Variants in KLF8 observed in about 807,000 individuals in gnomAD.
The protein encoded by KLF8 is KLF transcription factor 8.
In KLF8, 10 loss-of-function variants were observed where a neutral mutation model predicts 18.2. The ratio of observed to expected loss-of-function variants is 0.55; its 90% CI spans 0.34 to 0.93. KLF8 has a LOEUF of 0.93. Among genes scored for constraint, KLF8 ranks in the 40% least tolerant of loss-of-function variants. The pLI is 0.02. For missense variants in KLF8, 264 were observed against 277.9 expected (o/e 0.95, Z 0.36); for synonymous variants, 109 against 97.3 (o/e 1.12, Z -0.71).
the KLF8 span, chrX:55,908,438 G>T: frequency 3.4e-6 from 1 of 296,722 alleles, no homozygotes; most frequent in Non-Finnish European, 5.9e-6. Context: ...CGCTGGGTGG[G>T]GTCGAGACTG....
At chrX:56,150,061 G>A in the KLF8 span, among the ~76,000 whole-genome samples, 2 of 111,944 alleles carry the variant, frequency 1.8e-5, no homozygotes. Context: ...TTGGAGTAAA[G>A]ACTCAGTCTT....
chrX:56,251,710 C>G (rs1376102146), intron 2 of KLF8, among the ~76,000 whole-genome samples: 2 of 110,778 alleles, frequency 1.8e-5, no homozygotes, highest in Non-Finnish European at 1.9e-5. Context: ...ATCCGCCCAC[C>G]TCGGCCTCCC....
intron 1 of KLF8, among the ~76,000 whole-genome samples, chrX:56,243,964 G>A (rs2066588309): frequency 9.0e-6 from 1 of 111,652 alleles, no homozygotes; most frequent in South Asian, 3.8e-4. Context: ...GGAGGCTTTT[G>A]CAATCTCCCT....
the KLF8 span, among the ~76,000 whole-genome samples, chrX:56,156,985 A>C: frequency 9.1e-6 from 1 of 109,549 alleles, no homozygotes; most frequent in Non-Finnish European, 1.9e-5. Context: ...GAATCAACCC[A>C]AATGTCCAAC....
chrX:56,099,792 A>C, the KLF8 span, among the ~76,000 whole-genome samples: 6 of 111,886 alleles, frequency 5.4e-5, no homozygotes, highest in Admixed American at 5.7e-4. Flanking sequence ...GAGAGTGTTG[A>C]AGAGGCTGCA....
the KLF8 span, among the ~76,000 whole-genome samples, chrX:56,138,569 C>T: frequency 1.8e-5 from 2 of 111,259 alleles, no homozygotes; most frequent in Non-Finnish European, 3.8e-5. Context: ...ACAAAAACCA[C>T]ATGATCATCT....
At chrX:56,183,880 C>G in the KLF8 span, among the ~76,000 whole-genome samples, 1 of 111,078 alleles carries the variant, frequency 9.0e-6, no homozygotes, top group Non-Finnish European at 1.9e-5. Flanking sequence ...AATCAGGACC[C>G]GGAGGTGGCA....
chrX:56,087,094 G>T, the KLF8 span, among the ~76,000 whole-genome samples: 1 of 111,351 alleles, frequency 9.0e-6, no homozygotes, highest in South Asian at 3.8e-4. Context: ...GCCTCTATTA[G>T]GGTTAGAGGG....
chrX:56,074,358 T>TA, the KLF8 span, among the ~76,000 whole-genome samples: 2 of 111,292 alleles, frequency 1.8e-5, no homozygotes, highest in African/African-American at 6.5e-5. Flanking sequence ...TATCGAAAAA[T>TA]ACATTGCCAA....
the KLF8 span, among the ~76,000 whole-genome samples, chrX:56,093,488 G>T: frequency 9.1e-6 from 1 of 110,405 alleles, no homozygotes; most frequent in Non-Finnish European, 1.9e-5. Flanking sequence ...GAGCAACAAA[G>T]ACATTCACAG....
At chrX:56,080,883 C>T in the KLF8 span, among the ~76,000 whole-genome samples, 1 of 110,773 alleles carries the variant, frequency 9.0e-6, no homozygotes, top group East Asian at 2.8e-4. Flanking sequence ...TCCCTTCTCG[C>T]TTCATTTCAT....
chrX:56,285,403 G>T lies in KLF8; in HGVS notation c.*909G>T, dbSNP rs1384101730. On this transcript the variant is annotated 3_prime_UTR_variant, in exon 6 of 6. Transcript: ENST00000468660. ...ACTTGTATAGGATATCAAAAGTGCT[G>T]TTAATCACAAACCTCATTCAAATGG... The T allele has an allele frequency of 8.9e-6, 1 of 111,752 alleles. No homozygotes were observed. Among genetic ancestry groups the T allele is most frequent in the Non-Finnish European group, 1.9e-5 (1 of 53,202 alleles). The allele number at this position is 111,752 out of a possible 1,213,427, so 9.2% of individuals were successfully genotyped here. A position where few individuals can be genotyped will look rare whatever the true frequency, so the allele number is the denominator to read the frequency against.
the KLF8 span, among the ~76,000 whole-genome samples, chrX:55,957,947 T>C: frequency 2.7e-5 from 3 of 112,297 alleles, no homozygotes; most frequent in African/African-American, 6.5e-5. Context: ...ATGAGAAAAT[T>C]AATGCATAGA....
the KLF8 span, among the ~76,000 whole-genome samples, chrX:55,938,129 G>C: frequency 1.8e-5 from 2 of 111,655 alleles, no homozygotes; most frequent in African/African-American, 6.5e-5. Flanking sequence ...AGAGAGAAAG[G>C]TCGGGTTACC....
the KLF8 span, among the ~76,000 whole-genome samples, chrX:56,187,863 A>G: frequency 3.7e-4 from 41 of 111,943 alleles, no homozygotes; most frequent in Middle Eastern, 4.6e-3. Context: ...AGGTATTGAC[A>G]GGACGTATCT....
At chrX:56,122,643 A>C in the KLF8 span, among the ~76,000 whole-genome samples, 4 of 110,907 alleles carry the variant, frequency 3.6e-5, no homozygotes, top group Non-Finnish European at 7.5e-5. Context: ...TATTATTGAA[A>C]TTTTTCATTT....
chrX:56,191,063 T>C, the KLF8 span, among the ~76,000 whole-genome samples: 1 of 111,405 alleles, frequency 9.0e-6, no homozygotes, highest in African/African-American at 3.3e-5. Flanking sequence ...GACAAACCTT[T>C]AGTCAGACTA....
chrX:56,065,779 T>C, the KLF8 span, among the ~76,000 whole-genome samples: 2 of 112,167 alleles, frequency 1.8e-5, no homozygotes, highest in South Asian at 3.7e-4. Flanking sequence ...TTTGCAGTAA[T>C]ATAGTCCTTG....
At chrX:56,084,043 G>A in the KLF8 span, among the ~76,000 whole-genome samples, 167 of 111,028 alleles carry the variant, frequency 1.5e-3, no homozygotes, top group Non-Finnish European at 2.5e-3. Context: ...CAAATGAGAG[G>A]GGCCTATCTT....
Sources: gnomAD v4.1 joint callset for allele counts (sites outside exome capture counted in the v4.1 genomes callset) on GRCh38, gnomAD v4.1.1 for gene constraint, MANE v1.5 for transcripts, NCBI Gene and HGNC (gene_info 2026-07-23, HGNC 2026-07-21) for gene names.